Variants in LRP1B observed in about 807,000 individuals in gnomAD.
LRP1B encodes the protein LDL receptor related protein 1B, also known as low-density lipoprotein receptor-related protein 1B.
LRP1B carries 217 observed loss-of-function variants against 556.6 expected under a neutral mutation model. That is an observed-to-expected ratio of 0.39 (90% CI 0.35 to 0.44). The LOEUF is 0.44. Among genes scored for constraint, LRP1B ranks in the 20% least tolerant of loss-of-function variants. The probability of loss-of-function intolerance (pLI) is 1.00; values close to 1 mark genes in which losing one functional copy is unlikely to be tolerated. For missense variants in LRP1B, 5,053 were observed against 5,620.8 expected (o/e 0.90, Z 3.23); for synonymous variants, 2,047 against 1,865.8 (o/e 1.10, Z -2.50).
At chr2:141,244,697 T>A (rs1404633916) in intron 5 of LRP1B, among the ~76,000 whole-genome samples, 1 of 152,144 alleles carries the variant, frequency 6.6e-6, no homozygotes, top group African/African-American at 2.4e-5. Flanking sequence ...ATGAGAAAAC[T>A]AAAGCTAAAC....
chr2:140,971,385 C>T (rs1019560495), intron 18 of LRP1B, among the ~76,000 whole-genome samples: 4 of 152,196 alleles, frequency 2.6e-5, no homozygotes, highest in Admixed American at 1.3e-4. Context: ...GCCCTGTTGA[C>T]ACCTTGATTT....
intron 3 of LRP1B, among the ~76,000 whole-genome samples, chr2:141,319,307 G>GTTTTTTTTTTTTTTTTTT (rs1370500448): frequency 1.1e-5 from 1 of 88,786 alleles, no homozygotes; most frequent in African/African-American, 4.8e-5. Flanking sequence ...GTGTTTTTTT[G>GTTTTTTTTTTTTTTTTTT]TTGTTTTTTT....
intron 2 of LRP1B, among the ~76,000 whole-genome samples, chr2:141,763,124 T>C (rs1483760993): frequency 6.6e-6 from 1 of 152,110 alleles, no homozygotes; most frequent in African/African-American, 2.4e-5. Flanking sequence ...TAGGAGAAAA[T>C]TGCCTTTCTG....
chr2:141,607,837 C>T (rs1040312938), intron 2 of LRP1B, among the ~76,000 whole-genome samples: 9 of 152,122 alleles, frequency 5.9e-5, no homozygotes, highest in African/African-American at 9.7e-5. Context: ...GAGGGGGGAT[C>T]GCTTGAGCTT....
intron 84 of LRP1B, among the ~76,000 whole-genome samples, chr2:140,295,120 C>T (rs374724860): frequency 3.3e-5 from 5 of 151,736 alleles, no homozygotes; most frequent in Non-Finnish European, 5.9e-5. Flanking sequence ...CCTCGTGATC[C>T]GCGGGCCTCA....
chr2:141,277,388 T>G (rs557278243), intron 3 of LRP1B, among the ~76,000 whole-genome samples: 16 of 152,320 alleles, frequency 1.1e-4, no homozygotes, highest in African/African-American at 3.4e-4. Context: ...CTCTAATGAT[T>G]AGTGATGTTG....
At chr2:140,945,405 A>G (rs759026869) in intron 20 of LRP1B, among the ~76,000 whole-genome samples, 29 of 152,306 alleles carry the variant, frequency 1.9e-4, no homozygotes, top group Non-Finnish European at 4.0e-4. Context: ...AGCCAAAGCA[A>G]CCCTAAGCAA....
intron 3 of LRP1B, among the ~76,000 whole-genome samples, chr2:141,395,228 G>A (rs1303257703): frequency 1.3e-5 from 2 of 152,044 alleles, no homozygotes; most frequent in Non-Finnish European, 2.9e-5. Flanking sequence ...CTCACTCAGT[G>A]ATTTACCCAG....
At chr2:140,978,318 A>G (rs565675268) in intron 18 of LRP1B, among the ~76,000 whole-genome samples, 20 of 152,202 alleles carry the variant, frequency 1.3e-4, no homozygotes, top group Non-Finnish European at 2.4e-4. Flanking sequence ...AACATTTCTA[A>G]TCATAGGCTT....
At chr2:140,267,212 G>C (rs1004596746) in intron 86 of LRP1B, among the ~76,000 whole-genome samples, 3 of 151,984 alleles carry the variant, frequency 2.0e-5, no homozygotes, top group Non-Finnish European at 4.4e-5. Context: ...AAAATTTATA[G>C]AGACTCAGAT....
At chr2:141,319,310 G>GTTTTTGTTTTTT (rs1687147552) in intron 3 of LRP1B, among the ~76,000 whole-genome samples, 9 of 133,952 alleles carry the variant, frequency 6.7e-5, no homozygotes, top group African/African-American at 2.6e-4. Context: ...TTTTTTTGTT[G>GTTTTTGTTTTTT]TTTTTTTTTT....
At chr2:141,705,105 CATT>C (rs1379039949) in intron 2 of LRP1B, among the ~76,000 whole-genome samples, 1 of 152,064 alleles carries the variant, frequency 6.6e-6, no homozygotes, top group Non-Finnish European at 1.5e-5. Context: ...TGAGAAAACA[CATT>C]ATTAACCTCA....
chr2:140,567,551 A>G (rs1378333568), intron 43 of LRP1B, among the ~76,000 whole-genome samples: 2 of 152,224 alleles, frequency 1.3e-5, no homozygotes, highest in African/African-American at 2.4e-5. Flanking sequence ...TCAGAGTCAT[A>G]GATCCTGGTT....
rs144669328 is a variant in LRP1B at position 141,190,772 on chromosome 2, T to C, written c.851-2189A>G. On this transcript the variant is annotated intron_variant, in intron 6 of 90. Coordinates refer to ENST00000389484, the MANE Select transcript of LRP1B (RefSeq NM_018557.3). ...CTTTCTCGAACTTAGAATGAATCTA[T>C]GATTCACTGACTAAACAGAGTGACA... Among the ~76,000 whole-genome samples, 198 of 152,120 alleles carry C rather than the reference T, an allele frequency of 1.3e-3. 1 individual carries two copies. Among genetic ancestry groups the C allele is most frequent in the African/African-American group, 4.4e-3 (183 of 41,542 alleles).
At chr2:141,624,795 G>C (rs1688642749) in intron 2 of LRP1B, among the ~76,000 whole-genome samples, 1 of 151,640 alleles carries the variant, frequency 6.6e-6, no homozygotes, top group Admixed American at 6.6e-5. Flanking sequence ...TTTGAGATGG[G>C]GTCTCGCGCT....
intron 1 of LRP1B, among the ~76,000 whole-genome samples, chr2:141,858,799 G>T (rs935427657): frequency 5.3e-5 from 8 of 152,170 alleles, no homozygotes; most frequent in African/African-American, 1.7e-4. Context: ...TACGTTTGTG[G>T]ATAAGGAATC....
At chr2:141,313,822 T>C (rs1489840827) in intron 3 of LRP1B, among the ~76,000 whole-genome samples, 3 of 152,050 alleles carry the variant, frequency 2.0e-5, no homozygotes, top group Non-Finnish European at 2.9e-5. Flanking sequence ...TTTACATTTC[T>C]CCATCACTAG....
chr2:140,795,608 C>T (rs1304823802), intron 32 of LRP1B, among the ~76,000 whole-genome samples: 1 of 152,066 alleles, frequency 6.6e-6, no homozygotes, highest in Non-Finnish European at 1.5e-5. Flanking sequence ...AGTCTAAACA[C>T]AATGATATTC....
At chr2:140,837,750 T>G (rs1467301862) in intron 31 of LRP1B, among the ~76,000 whole-genome samples, 1 of 142,458 alleles carries the variant, frequency 7.0e-6, no homozygotes, top group African/African-American at 2.7e-5. Flanking sequence ...TGAGAACACA[T>G]GGACACAGGA....
Sources: gnomAD v4.1 joint callset for allele counts (sites outside exome capture counted in the v4.1 genomes callset) on GRCh38, gnomAD v4.1.1 for gene constraint, MANE v1.5 for transcripts, NCBI Gene and HGNC (gene_info 2026-07-23, HGNC 2026-07-21) for gene names.